MBNL1: variants seen among roughly 807,000 people sequenced by gnomAD.
MBNL1 encodes the protein muscleblind-like protein 1.
Under a neutral mutation model 42.2 loss-of-function variants are expected in MBNL1, and 8 were observed. The observed-to-expected ratio is 0.19, with a 90% CI of 0.11 to 0.34. The LOEUF (loss-of-function observed/expected upper bound fraction) is 0.34. Among genes scored for constraint, MBNL1 ranks in the 10% least tolerant of loss-of-function variants. The pLI, the probability that MBNL1 is intolerant of heterozygous loss-of-function variation, is 1.00. For synonymous variants in MBNL1, 169 were observed against 173.9 expected, an observed-to-expected ratio of 0.97 and a Z score of 0.22; for missense variants, 309 against 495.3, an observed-to-expected ratio of 0.62 and a Z score of 3.57.
intron 2 of MBNL1, among the ~76,000 whole-genome samples, chr3:152,405,844 G>T (rs1190964353): frequency 6.6e-6 from 1 of 152,088 alleles, no homozygotes; most frequent in Non-Finnish European, 1.5e-5. Context: ...AAATGTTAGG[G>T]CTTTTAACTA....
chr3:152,407,047 CTGTGTGTG>C (rs373321399), intron 2 of MBNL1, among the ~76,000 whole-genome samples: 4 of 67,598 alleles, frequency 5.9e-5, no homozygotes, highest in East Asian at 3.0e-4. Context: ...TGTTAAGCCA[CTGTGTGTG>C]TGTGTGTGTG....
intron 2 of MBNL1, among the ~76,000 whole-genome samples, chr3:152,335,542 G>A (rs2089301747): frequency 1.3e-5 from 2 of 151,982 alleles, no homozygotes; most frequent in African/African-American, 4.8e-5. Context: ...TCTTGTTTTT[G>A]ACTTGCCCTA....
intron 2 of MBNL1, among the ~76,000 whole-genome samples, chr3:152,411,399 A>C (rs1290083854): frequency 6.6e-6 from 1 of 152,170 alleles, no homozygotes; most frequent in Non-Finnish European, 1.5e-5. Flanking sequence ...GGGCACCTGT[A>C]GTCCCAGCTA....
At chr3:152,404,145 G>T (rs900729626) in intron 2 of MBNL1, among the ~76,000 whole-genome samples, 1 of 152,148 alleles carries the variant, frequency 6.6e-6, no homozygotes, top group Non-Finnish European at 1.5e-5. Flanking sequence ...GATTTAGAAA[G>T]GAGTGCCAAT....
intron 2 of MBNL1, among the ~76,000 whole-genome samples, chr3:152,359,064 A>C (rs1260535229): frequency 2.0e-5 from 3 of 152,244 alleles, no homozygotes; most frequent in Non-Finnish European, 4.4e-5. Context: ...TATTTCCCTG[A>C]AGATTAAAAC....
intron 2 of MBNL1, among the ~76,000 whole-genome samples, chr3:152,257,603 T>C (rs2035632216): frequency 6.6e-6 from 1 of 152,208 alleles, no homozygotes; most frequent in Admixed American, 6.5e-5. Flanking sequence ...TAGCAACACA[T>C]AATCATTATT....
intron 2 of MBNL1, among the ~76,000 whole-genome samples, chr3:152,365,181 G>T (rs2096275388): frequency 6.6e-6 from 1 of 152,010 alleles, no homozygotes; most frequent in Non-Finnish European, 1.5e-5. Flanking sequence ...ATATTGAGAT[G>T]AATTTCCTAA....
intron 2 of MBNL1, among the ~76,000 whole-genome samples, chr3:152,355,136 CG>C (rs1175348858): frequency 1.3e-5 from 2 of 151,998 alleles, no homozygotes; most frequent in African/African-American, 2.4e-5. Context: ...ACAAAAAAAT[CG>C]TAAGTGAGAT....
In MBNL1 at chr3:152,310,918, CT is replaced by C. The variant is rs1347279865; in HGVS notation, c.174+10560del. 3.5e-5 allele frequency among the ~76,000 whole-genome samples: 5 copies of C among 144,580 alleles called. No individual in the cohort carries two copies. The East Asian group carries it at 6.2e-4, about 18-fold the overall frequency. 94.9% of individuals were successfully genotyped at this position (144,580 alleles called of 152,430 possible). The stretch of plus-strand genomic sequence containing the variant: ...GATAAGGAAGTGTTTCATTTCATAA[CT>C]TTTTTTTTGCTTGAAATATAATATA... On this transcript the variant is annotated intron_variant, in intron 2 of 9. Coordinates refer to ENST00000324210, the MANE Select transcript of MBNL1 (RefSeq NM_021038.5).
At chr3:152,309,125 G>C (rs1560082819) in intron 2 of MBNL1, among the ~76,000 whole-genome samples, 2 of 152,108 alleles carry the variant, frequency 1.3e-5, no homozygotes, top group African/African-American at 4.8e-5. Context: ...AATGGCTCTG[G>C]TGGTTTATCT....
intron 4 of MBNL1, among the ~76,000 whole-genome samples, chr3:152,436,313 C>G (rs1428801361): frequency 6.6e-6 from 1 of 152,100 alleles, no homozygotes; most frequent in Admixed American, 6.6e-5. Flanking sequence ...TTCTCTTTTA[C>G]AGGGAAATGA....
chr3:152,300,025 A>G lies in MBNL1; in HGVS notation c.-169A>G, dbSNP rs1466793928. On this transcript the variant is annotated 5_prime_UTR_variant, in exon 2 of 10. In the 5' UTR this introduces an upstream ATG that the reference lacks. Transcript: ENST00000324210. ...TCTAGTGGGAGATCTTTTCCTTGAT[A>G]TTGACGACACAATTTTCCATGTACT... 22 of 530,600 alleles carry G rather than the reference A, an allele frequency of 4.1e-5. No homozygotes were observed. In the South Asian group the frequency reaches 4.3e-4, roughly 10 times the overall value. 32.9% of individuals were successfully genotyped at this position (530,600 alleles called of 1,614,324 possible).
intron 1 of MBNL1, among the ~76,000 whole-genome samples, chr3:152,281,245 T>C (rs1025760673): frequency 2.6e-5 from 4 of 152,118 alleles, no homozygotes; most frequent in African/African-American, 9.7e-5. Context: ...AAGGGTCATA[T>C]GATAAGGTAC....
chr3:152,440,649 C>T (rs114480816), intron 4 of MBNL1, among the ~76,000 whole-genome samples: 131 of 152,136 alleles, frequency 8.6e-4, no homozygotes, highest in East Asian at 1.5e-3. Flanking sequence ...TCACATCATC[C>T]GATATTTATC....
intron 1 of MBNL1, among the ~76,000 whole-genome samples, chr3:152,270,518 G>A (rs185106844): frequency 4.3e-4 from 65 of 152,068 alleles, no homozygotes; most frequent in Non-Finnish European, 2.9e-5. Flanking sequence ...GTGTGTTGGT[G>A]TTTCTCCTTG....
chr3:152,404,467 A>AG (rs2153573577), intron 2 of MBNL1, among the ~76,000 whole-genome samples: 1 of 152,292 alleles, frequency 6.6e-6, no homozygotes, highest in Non-Finnish European at 1.5e-5. Context: ...CTTTATTTGT[A>AG]GGGATATGTG....
At chr3:152,393,930 T>C (rs2097823821) in intron 2 of MBNL1, among the ~76,000 whole-genome samples, 1 of 152,214 alleles carries the variant, frequency 6.6e-6, no homozygotes, top group African/African-American at 2.4e-5. Flanking sequence ...AATAATTTTT[T>C]CTGAGAACTA....
intron 2 of MBNL1, among the ~76,000 whole-genome samples, chr3:152,390,841 G>A (rs1302546235): frequency 6.6e-6 from 1 of 152,220 alleles, no homozygotes; most frequent in African/African-American, 2.4e-5. Context: ...AGACTGCAGA[G>A]TAGCAGAGCA....
At chr3:152,370,414 C>T (rs2096607548) in intron 2 of MBNL1, among the ~76,000 whole-genome samples, 1 of 152,104 alleles carries the variant, frequency 6.6e-6, no homozygotes. Flanking sequence ...TGTTTTACTT[C>T]CAATTCTGTG....
Sources: gnomAD v4.1 joint callset for allele counts (sites outside exome capture counted in the v4.1 genomes callset) on GRCh38, gnomAD v4.1.1 for gene constraint, MANE v1.5 for transcripts, NCBI Gene and HGNC (gene_info 2026-07-23, HGNC 2026-07-21) for gene names.